Variants in CSGALNACT1 observed in about 807,000 individuals in gnomAD.
CSGALNACT1 encodes the protein beta4GalNAcT-1.
In CSGALNACT1, 52 loss-of-function variants were observed where a neutral mutation model predicts 51.0. The observed-to-expected ratio is 1.02, with a 90% confidence interval of 0.82 to 1.29. The LOEUF (loss-of-function observed/expected upper bound fraction) is 1.29, where lower values mean the gene tolerates loss of function less well. CSGALNACT1 is among the 50% of genes most tolerant of loss of function. The pLI is 0.00. For synonymous variants in CSGALNACT1, 341 were observed against 254.4 expected (o/e 1.34, Z -3.24); for missense variants, 935 against 679.2 (o/e 1.38, Z -4.19).
chr8:19,504,276 C>T (rs1392029802), intron 4 of CSGALNACT1, among the ~76,000 whole-genome samples: 2 of 152,116 alleles, frequency 1.3e-5, no homozygotes, highest in African/African-American at 2.4e-5. Flanking sequence ...TGGGGTTTCA[C>T]CGTGTTAGCC....
At chr8:19,522,697 T>G (rs556227366) in intron 3 of CSGALNACT1, among the ~76,000 whole-genome samples, 1 of 152,210 alleles carries the variant, frequency 6.6e-6, no homozygotes, top group Non-Finnish European at 1.5e-5. Flanking sequence ...GCAAAGTCAC[T>G]CTTCAAGTGG....
At chr8:19,548,407 G>C (rs1563998655) in intron 3 of CSGALNACT1, among the ~76,000 whole-genome samples, 1 of 152,012 alleles carries the variant, frequency 6.6e-6, no homozygotes, top group African/African-American at 2.4e-5. Context: ...CTAAAAAATA[G>C]ATTATTTTTC....
intron 4 of CSGALNACT1, among the ~76,000 whole-genome samples, chr8:19,483,389 C>T (rs1259969320): frequency 6.6e-6 from 1 of 152,186 alleles, no homozygotes; most frequent in African/African-American, 2.4e-5. Flanking sequence ...TCTCAACATG[C>T]CCTGACCCCA....
At position 19,698,103 on chromosome 8, in the gene CSGALNACT1, G is replaced by A. The variant is rs547434975; in HGVS notation, c.-297+59747C>T. 3.9e-5 allele frequency among the ~76,000 whole-genome samples: 6 copies of A among 152,306 alleles called. No individual in the cohort carries two copies. The South Asian group carries it at 1.2e-3, about 32-fold the overall frequency. The stretch of plus-strand genomic sequence containing the variant: ...AGAGTGAATGGGAAGTGAGAAGGCT[G>A]CTGGGGAAGCAGGGAGAAGTCACTG... On this transcript the variant is annotated intron_variant, in intron 1 of 1. Coordinates refer to the CSGALNACT1 transcript ENST00000517494.
At chr8:19,490,635 T>TC (rs1164198438) in intron 4 of CSGALNACT1, among the ~76,000 whole-genome samples, 1 of 152,190 alleles carries the variant, frequency 6.6e-6, no homozygotes, top group East Asian at 1.9e-4. Context: ...TGATTGGTTC[T>TC]CTCCAGCTTG....
intron 4 of CSGALNACT1, among the ~76,000 whole-genome samples, chr8:19,500,400 C>G (rs1275933439): frequency 6.6e-6 from 1 of 152,136 alleles, no homozygotes; most frequent in African/African-American, 2.4e-5. Context: ...CCACATACCT[C>G]TCAAATGCCC....
intron 1 of CSGALNACT1, among the ~76,000 whole-genome samples, chr8:19,636,393 C>T (rs369515399): frequency 3.6e-4 from 55 of 152,232 alleles, no homozygotes; most frequent in South Asian, 1.5e-3. Context: ...CAATGAGAAT[C>T]TGGGAGCATA....
At chr8:19,480,660 A>G (rs2071115373) in intron 4 of CSGALNACT1, among the ~76,000 whole-genome samples, 1 of 152,192 alleles carries the variant, frequency 6.6e-6, no homozygotes, top group Non-Finnish European at 1.5e-5. Context: ...ATAGTTGCTG[A>G]CCCATCATTG....
At chr8:19,578,559 A>T (rs1334767719) in intron 3 of CSGALNACT1, among the ~76,000 whole-genome samples, 2 of 152,202 alleles carry the variant, frequency 1.3e-5, no homozygotes, top group African/African-American at 4.8e-5. Context: ...AAATGATTAG[A>T]TTCTGAACTG....
chr8:19,465,088 C>G (rs116847006), intron 4 of CSGALNACT1, among the ~76,000 whole-genome samples: 4 of 152,162 alleles, frequency 2.6e-5, no homozygotes. Context: ...AAGATAAAAA[C>G]AACTCACACC....
At chr8:19,755,848 G>A (rs1007968951) in intron 1 of CSGALNACT1, among the ~76,000 whole-genome samples, 1 of 152,186 alleles carries the variant, frequency 6.6e-6, no homozygotes, top group Admixed American at 6.5e-5. Flanking sequence ...TGTATTATGT[G>A]GAGTACATAT....
chr8:19,707,022 G>C lies in CSGALNACT1; in HGVS notation c.-297+50828C>G, dbSNP rs1334005134. ...GGTAACACTAAGGATATGTGAGATG[G>C]GGGAAGGAGAGAGGCCGGGAAGCTC... On this transcript the variant is annotated intron_variant, in intron 1 of 1. Transcript: ENST00000517494. 3.3e-5 allele frequency among the ~76,000 whole-genome samples: 5 copies of C among 152,078 alleles called. No individual in the cohort carries two copies. The East Asian group carries it at 7.7e-4, about 24-fold the overall frequency.
At chr8:19,411,739 G>A (rs984404149) in intron 8 of CSGALNACT1, among the ~76,000 whole-genome samples, 65 of 152,170 alleles carry the variant, frequency 4.3e-4, no homozygotes, top group Non-Finnish European at 7.9e-4. Context: ...CAATAGAGGA[G>A]GAAGGAACCC....
chr8:19,568,483 G>T (rs963505552), intron 3 of CSGALNACT1, among the ~76,000 whole-genome samples: 14 of 152,096 alleles, frequency 9.2e-5, no homozygotes, highest in Admixed American at 6.5e-4. Context: ...TGCAATATAG[G>T]CTCTGATGGT....
intron 1 of CSGALNACT1, among the ~76,000 whole-genome samples, chr8:19,617,853 A>C (rs1230955979): frequency 6.6e-6 from 1 of 152,186 alleles, no homozygotes; most frequent in Non-Finnish European, 1.5e-5. Context: ...TAAAAGAGGA[A>C]CTTAATAAAA....
intron 1 of CSGALNACT1, among the ~76,000 whole-genome samples, chr8:19,620,922 TC>T (rs1266467350): frequency 1.3e-5 from 2 of 152,120 alleles, no homozygotes; most frequent in Admixed American, 1.3e-4. Flanking sequence ...TGAGATACTC[TC>T]ACACCCCAAA....
chr8:19,451,334 C>T (rs1039686505), intron 5 of CSGALNACT1, among the ~76,000 whole-genome samples: 2 of 152,276 alleles, frequency 1.3e-5, no homozygotes, highest in South Asian at 2.1e-4. Flanking sequence ...TCTAGGTGGA[C>T]CTGTCCCTCT....
At chr8:19,457,351 G>C (rs186201968) in intron 5 of CSGALNACT1, among the ~76,000 whole-genome samples, 1 of 152,150 alleles carries the variant, frequency 6.6e-6, no homozygotes, top group Non-Finnish European at 1.5e-5. Flanking sequence ...GGTGGCTCAC[G>C]CCTGTAATCC....
intron 3 of CSGALNACT1, among the ~76,000 whole-genome samples, chr8:19,554,652 T>G (rs2154087513): frequency 8.3e-6 from 1 of 120,892 alleles, no homozygotes; most frequent in South Asian, 2.5e-4. Context: ...ATGCAGTGGC[T>G]CATGCCTAAA....
Sources: gnomAD v4.1 joint callset for allele counts (sites outside exome capture counted in the v4.1 genomes callset) on GRCh38, gnomAD v4.1.1 for gene constraint, MANE v1.5 for transcripts, NCBI Gene and HGNC (gene_info 2026-07-23, HGNC 2026-07-21) for gene names.